Variants in DRC9 observed in about 807,000 individuals in gnomAD.
The protein encoded by DRC9 is dynein regulatory complex protein 9.
At chr3:197,940,652 A>G in the DRC9 span, among the ~76,000 whole-genome samples, 2 of 152,208 alleles carry the variant, frequency 1.3e-5, no homozygotes, top group African/African-American at 4.8e-5. Flanking sequence ...AACATTTAAA[A>G]ATATACAGCC....
chr3:197,957,138 T>C, the DRC9 span: 1 of 152,194 alleles, frequency 6.6e-6, no homozygotes, highest in African/African-American at 2.4e-5. Flanking sequence ...TTCCATCTCC[T>C]GGAGACAGGA....
At chr3:197,941,703 G>A in the DRC9 span, among the ~76,000 whole-genome samples, 1 of 150,752 alleles carries the variant, frequency 6.6e-6, no homozygotes, top group Non-Finnish European at 1.5e-5. Flanking sequence ...TGGGACTACA[G>A]GCGTACGCCA....
At chr3:197,958,409 G>A in the DRC9 span, 1 of 152,338 alleles carries the variant, frequency 6.6e-6, no homozygotes, top group African/African-American at 2.4e-5. Context: ...CTCAAATGGA[G>A]AATTCTAACA....
At chr3:197,913,831 A>C in the DRC9 span, 26 of 1,568,062 alleles carry the variant, frequency 1.7e-5, no homozygotes, top group Non-Finnish European at 2.3e-5. Flanking sequence ...ATCAGGAGTG[A>C]CAGCTCAATT....
the DRC9 span, chr3:197,906,421 C>CA: frequency 6.6e-6 from 1 of 150,430 alleles, no homozygotes; most frequent in African/African-American, 2.4e-5. Context: ...ACTCAATGGA[C>CA]AAAAAAACTG....
At chr3:197,934,676 G>C in the DRC9 span, among the ~76,000 whole-genome samples, 1 of 151,882 alleles carries the variant, frequency 6.6e-6, no homozygotes, top group Non-Finnish European at 1.5e-5. Flanking sequence ...CTCCTAAGTG[G>C]AGCTGTTTAG....
At chr3:197,934,804 C>G in the DRC9 span, among the ~76,000 whole-genome samples, 11 of 125,374 alleles carry the variant, frequency 8.8e-5, no homozygotes, top group Admixed American at 3.1e-4. Flanking sequence ...CCCCTCCCCC[C>G]ACCCCATCTC....
chr3:197,910,214 C>A, the DRC9 span, among the ~76,000 whole-genome samples: 121 of 152,204 alleles, frequency 7.9e-4, no homozygotes, highest in Middle Eastern at 0.014. Context: ...GTGGGAGGAT[C>A]ACTTGGGCCC....
chr3:197,944,458 AT>A, the DRC9 span, among the ~76,000 whole-genome samples: 1 of 143,738 alleles, frequency 7.0e-6, no homozygotes, highest in Non-Finnish European at 1.5e-5. Flanking sequence ...ATTTTATTTT[AT>A]TTTTTTTGAG....
At chr3:197,929,622 A>C in the DRC9 span, among the ~76,000 whole-genome samples, 3 of 152,072 alleles carry the variant, frequency 2.0e-5, no homozygotes, top group Admixed American at 6.6e-5. This position sits in a 1 kb window ranked among gnomAD's most constrained non-coding sequence, Gnocchi z 4.6. Flanking sequence ...AACAAACAAA[A>C]AAAATTAGCT....
the DRC9 span, among the ~76,000 whole-genome samples, chr3:197,943,058 CTAAGT>C: frequency 6.6e-6 from 1 of 152,112 alleles, no homozygotes; most frequent in Non-Finnish European, 1.5e-5. Flanking sequence ...TTGCTCACTA[CTAAGT>C]TAATTTTCTG....
At chr3:197,913,022 A>G in the DRC9 span, 2 of 396,836 alleles carry the variant, frequency 5.0e-6, no homozygotes, top group Non-Finnish European at 9.2e-6. Context: ...CCAAGGGCAC[A>G]AGGCTGTGGG....
At chr3:197,927,675 C>T in the DRC9 span, among the ~76,000 whole-genome samples, 1 of 152,170 alleles carries the variant, frequency 6.6e-6, no homozygotes, top group Non-Finnish European at 1.5e-5. Flanking sequence ...ACTATTAATT[C>T]AATATCCCAA....
At chr3:197,955,944 A>G in the DRC9 span, 1 of 640,270 alleles carries the variant, frequency 1.6e-6, no homozygotes. Context: ...TTACAGGGCG[A>G]GTACAGAGAT....
the DRC9 span, among the ~76,000 whole-genome samples, chr3:197,904,462 G>A: frequency 3.1e-3 from 476 of 152,254 alleles, 5 homozygotes; most frequent in African/African-American, 0.011. Context: ...CCAAAAGAAA[G>A]GAAATTAGAT....
At chr3:197,899,488 G>A in the DRC9 span, among the ~76,000 whole-genome samples, 1 of 152,168 alleles carries the variant, frequency 6.6e-6, no homozygotes, top group African/African-American at 2.4e-5. Flanking sequence ...CTTGGAGGCT[G>A]AGGTGGGAGG....
chr3:197,951,836 T>TA, the DRC9 span, among the ~76,000 whole-genome samples: 8 of 152,118 alleles, frequency 5.3e-5, no homozygotes, highest in Non-Finnish European at 1.0e-4. Context: ...TAGCTGGGCT[T>TA]ACAGGGGTGT....
chr3:197,960,101 G>C, the DRC9 span: 1 of 807,800 alleles, frequency 1.2e-6, no homozygotes, highest in Non-Finnish European at 1.9e-6. Context: ...CATCTTCTGC[G>C]GCGAACTTCT....
At chr3:197,909,882 A>T in the DRC9 span, among the ~76,000 whole-genome samples, 1 of 152,080 alleles carries the variant, frequency 6.6e-6, no homozygotes, top group East Asian at 1.9e-4. Context: ...AATCCCAGCT[A>T]CTCGGGAGGC....
Sources: allele counts gnomAD v4.1 joint callset (sites outside exome capture counted in the v4.1 genomes callset), GRCh38; gene constraint gnomAD v4.1.1; non-coding constraint Gnocchi (gnomAD v3.1); transcripts MANE v1.5; gene names NCBI Gene and HGNC (gene_info 2026-07-23, HGNC 2026-07-21).